Variants in FLT1 observed in about 807,000 individuals in gnomAD.
FLT1 encodes the protein vascular endothelial growth factor receptor 1.
A neutral mutation model predicts 156.3 loss-of-function variants in FLT1; 49 were observed. The ratio of observed to expected loss-of-function variants is 0.31; its 90% CI spans 0.25 to 0.40. The LOEUF is 0.40. Ranked by LOEUF, FLT1 falls within the 10% of genes least tolerant of loss-of-function variation. The probability of loss-of-function intolerance (pLI) is 1.00; values close to 1 mark genes in which losing one functional copy is unlikely to be tolerated. For missense variants in FLT1, 1,322 were observed against 1,637.2 expected, an observed-to-expected ratio of 0.81 and a Z score of 3.32; for synonymous variants, 594 against 583.8, an observed-to-expected ratio of 1.02 and a Z score of -0.25.
intron 14 of FLT1, among the ~76,000 whole-genome samples, chr13:28,375,486 T>C (rs2137435162): frequency 6.6e-6 from 1 of 152,306 alleles, no homozygotes; most frequent in South Asian, 2.1e-4. Context: ...GTCAACAGGT[T>C]AGTTTTCGCA....
chr13:28,369,698 G>C (rs544212309), intron 14 of FLT1, among the ~76,000 whole-genome samples: 5 of 152,132 alleles, frequency 3.3e-5, no homozygotes, highest in Non-Finnish European at 7.4e-5. Context: ...AAAAGTTGAC[G>C]TATGGGATAA....
Position 28,300,903 on chromosome 13 carries a change from T to A in FLT1, c.*2264A>T. 4.3e-6 allele frequency: 1 copy of A among 233,252 alleles called. No homozygotes were observed. The highest frequency in any genetic ancestry group is 6.0e-5 in the East Asian group (1 of 16,570). The allele number at this position is 233,252 out of a possible 1,614,324, so 14.4% of individuals were successfully genotyped here. ...CAGTGCTATTTTAATGAACAAGCAC[T>A]TTGTAACTAGCTCATTATTACAAGT... On this transcript the variant is annotated 3_prime_UTR_variant, in exon 30 of 30. Coordinates refer to ENST00000282397, the MANE Select transcript of FLT1 (RefSeq NM_002019.4).
At chr13:28,427,709 G>T (rs746684983) in intron 9 of FLT1, 43 bp downstream of exon 9, 4 of 1,543,778 alleles carry the variant, frequency 2.6e-6, no homozygotes, top group East Asian at 4.5e-5. Flanking sequence ...TCACTAATTT[G>T]TTGCCTACCA....
intron 10 of FLT1, among the ~76,000 whole-genome samples, chr13:28,421,543 T>C (rs1354899530): frequency 6.6e-6 from 1 of 152,072 alleles, no homozygotes; most frequent in Non-Finnish European, 1.5e-5. Context: ...ACTTTTTTTT[T>C]TCCTTACTGG....
At chr13:28,318,427 G>A (rs749988844) in intron 24 of FLT1, among the ~76,000 whole-genome samples, 1 of 152,228 alleles carries the variant, frequency 6.6e-6, no homozygotes, top group Non-Finnish European at 1.5e-5. Context: ...TCCTTTTGGG[G>A]GGATTCTTGC....
intron 11 of FLT1, among the ~76,000 whole-genome samples, chr13:28,405,033 A>G (rs1165708318): frequency 6.7e-6 from 1 of 149,524 alleles, no homozygotes; most frequent in Non-Finnish European, 1.5e-5. Flanking sequence ...AAAAAAAAAA[A>G]AAAGAAAAGA....
chr13:28,473,729 AGAAG>A (rs1157781404), intron 1 of FLT1, among the ~76,000 whole-genome samples: 2,052 of 83,826 alleles, frequency 0.024, 119 homozygotes, highest in African/African-American at 0.037. Context: ...AAAGAAAGAA[AGAAG>A]GAAGGAAGGA....
At chr13:28,342,948 C>CTCTCTCTCTCTCTCTCTCTT (rs1465601652) in intron 16 of FLT1, among the ~76,000 whole-genome samples, 5 of 29,324 alleles carry the variant, frequency 1.7e-4, no homozygotes, top group African/African-American at 2.8e-4. Flanking sequence ...TTCTTTCTTT[C>CTCTCTCTCTCTCTCTCTCTT]TCTCTCTCTC....
rs563007875 is a variant in FLT1 at position 28,394,910 on chromosome 13, C to A, written c.1660+2050G>T. On this transcript the variant is annotated intron_variant, in intron 12 of 29. Coordinates refer to ENST00000282397, the MANE Select transcript of FLT1 (RefSeq NM_002019.4). The stretch of plus-strand genomic sequence containing the variant: ...TCAGACTGCTTGTCAGTATTCACAC[C>A]TTTGGGTCTGTCCAGGCAGTGGCCA... Among the ~76,000 whole-genome samples, 80 of 152,248 alleles carry A rather than the reference C, an allele frequency of 5.3e-4. 1 individual carries two copies. In the South Asian group the frequency reaches 0.016, roughly 31 times the overall value.
At position 28,438,231 on chromosome 13, in the gene FLT1, G is replaced by T. The variant is rs1363282680; in HGVS notation, c.503C>A (p.Thr168Asn). Residue 168 changes from threonine to asparagine, a missense_variant, in exon 4 of 30, where the codon ACT becomes AAT. This residue lies in a region of FLT1 where 991 missense variants were observed against 1,254.8 expected (regional missense o/e 0.79). Coordinates refer to ENST00000282397, the MANE Select transcript of FLT1 (RefSeq NM_002019.4). ...GGTGTTCAAATTTACCTTTTTTAAAGTAACAGTGATGTTAGGTGACGTAAC... is the reference window on the plus strand; with the variant it reads ...GGTGTTCAAATTTACCTTTTTTAAATTAACAGTGATGTTAGGTGACGTAAC... ...CRVTSPNITV[T>N]LKKFPLDTLI... 3 of 1,613,828 alleles carry T rather than the reference G, an allele frequency of 1.9e-6. No homozygotes were observed.
At chr13:28,370,972 T>G (rs1316027743) in intron 14 of FLT1, among the ~76,000 whole-genome samples, 1 of 152,138 alleles carries the variant, frequency 6.6e-6, no homozygotes, top group East Asian at 1.9e-4. Context: ...CAAGAAAGTG[T>G]TTTTCTCTCA....
chr13:28,374,447 A>G (rs1365443231), intron 14 of FLT1, among the ~76,000 whole-genome samples: 1 of 152,030 alleles, frequency 6.6e-6, no homozygotes, highest in Non-Finnish European at 1.5e-5. Flanking sequence ...CAAAATATAA[A>G]GAAAAAACCC....
At chr13:28,430,577 A>C (rs1259690978) in intron 7 of FLT1, among the ~76,000 whole-genome samples, 1 of 152,204 alleles carries the variant, frequency 6.6e-6, no homozygotes, top group Admixed American at 6.5e-5. Flanking sequence ...AAGGAAATAA[A>C]GGCTACTGAT....
intron 3 of FLT1, among the ~76,000 whole-genome samples, chr13:28,454,312 C>T (rs140026963): frequency 6.6e-6 from 1 of 152,152 alleles, no homozygotes. Context: ...AAGTAATACT[C>T]TTCTCATTTT....
intron 18 of FLT1, among the ~76,000 whole-genome samples, chr13:28,332,232 A>C (rs534359543): frequency 6.6e-6 from 1 of 152,050 alleles, no homozygotes; most frequent in Non-Finnish European, 1.5e-5. Context: ...TGTCTCTTAG[A>C]AGAAAAAAAA....
chr13:28,486,800 C>T (rs995746456), intron 1 of FLT1, among the ~76,000 whole-genome samples: 11 of 152,244 alleles, frequency 7.2e-5, no homozygotes, highest in Non-Finnish European at 1.0e-4. Context: ...TAAATAGTTT[C>T]TTCCACCTTG....
intron 14 of FLT1, among the ~76,000 whole-genome samples, chr13:28,377,574 A>C (rs921854526): frequency 6.6e-6 from 1 of 152,222 alleles, no homozygotes; most frequent in Non-Finnish European, 1.5e-5. Context: ...TAATTACTCT[A>C]GATTTTTGGT....
intron 10 of FLT1, among the ~76,000 whole-genome samples, chr13:28,414,972 T>C (rs796781176): frequency 7.2e-5 from 11 of 152,278 alleles, no homozygotes; most frequent in African/African-American, 2.6e-4. Context: ...TGAATATTAA[T>C]GGATACATGG....
In FLT1 at chr13:28,311,608, C is replaced by T; in HGVS notation, c.3617G>A (p.Gly1206Glu). Residue 1206 changes from glycine (G) to glutamate (E), a missense_variant, in exon 27 of 30, where the codon GGA (glycine) becomes GAA (glutamate). Around this residue, in one of 3 missense-constraint regions of FLT1, gnomAD observed 329 missense variants for 366.2 expected, o/e 0.90. Transcript: ENST00000282397. ...ATCTTACCTGACATCATCAGAGCTT[C>T]CTGAATTAAACTTCGGAGCTGAAAT... The part of the protein sequence containing the change: ...ESISAPKFNS[G>E]SSDDVRYVNA... 1 of 1,613,624 alleles carries T rather than the reference C, an allele frequency of 6.2e-7. No individual in the cohort carries two copies. Among genetic ancestry groups the T allele is most frequent in the Non-Finnish European group, 8.5e-7 (1 of 1,179,844 alleles).
Sources: allele counts gnomAD v4.1 joint callset (sites outside exome capture counted in the v4.1 genomes callset), GRCh38; gene constraint gnomAD v4.1.1; regional missense constraint gnomAD v4.1.1; transcripts MANE v1.5; gene names NCBI Gene and HGNC (gene_info 2026-07-23, HGNC 2026-07-21).